Variants in NAT10 observed in about 807,000 individuals in gnomAD.
NAT10 encodes the protein RNA cytidine acetyltransferase.
NAT10 carries 109 observed loss-of-function variants against 132.2 expected under a neutral mutation model. The ratio of observed to expected loss-of-function variants is 0.82; its 90% CI spans 0.71 to 0.97. The LOEUF (loss-of-function observed/expected upper bound fraction) is 0.97. Among genes scored for constraint, NAT10 ranks in the 50% least tolerant of loss-of-function variants. The pLI is 0.00. For synonymous variants in NAT10, 479 were observed against 478.0 expected (o/e 1.00, Z -0.03); for missense variants, 1,184 against 1,263.4 (o/e 0.94, Z 0.95).
intron 28 of NAT10, among the ~76,000 whole-genome samples, chr11:34,144,641 C>G (rs1391111367): frequency 6.6e-6 from 1 of 152,210 alleles, no homozygotes; most frequent in Non-Finnish European, 1.5e-5. Context: ...CCAGCAGTCC[C>G]TAGACCACTC....
At chr11:34,121,959 T>C (rs962902531) in intron 8 of NAT10, among the ~76,000 whole-genome samples, 1 of 149,836 alleles carries the variant, frequency 6.7e-6, no homozygotes, top group Non-Finnish European at 1.5e-5. Flanking sequence ...GCGGATCGCC[T>C]GAGGTTAGGA....
intron 15 of NAT10, among the ~76,000 whole-genome samples, chr11:34,132,500 CGGT>C (rs58466959): frequency 0.23 from 35,590 of 151,952 alleles, 5,288 homozygotes; most frequent in Middle Eastern, 0.39. Flanking sequence ...AGTTGTGGCC[CGGT>C]GGTGCAGTTT....
chr11:34,106,350 G>T (rs190997424), intron 1 of NAT10, among the ~76,000 whole-genome samples: 2 of 152,018 alleles, frequency 1.3e-5, no homozygotes, highest in Admixed American at 1.3e-4. Context: ...CCCCATCCAG[G>T]CCTTCCATGA....
intron 11 of NAT10, among the ~76,000 whole-genome samples, chr11:34,125,395 A>T (rs1851969351): frequency 6.6e-6 from 1 of 152,282 alleles, no homozygotes; most frequent in Non-Finnish European, 1.5e-5. Context: ...TCCTTCTTGA[A>T]TTTGTAATCA....
chr11:34,118,509 T>A lies in NAT10; in HGVS notation c.780+6T>A, dbSNP rs1182370143. ...GCTGTAAGACTCTAGACCAGGTGAG[T>A]GTGGTGCTCAGCACTTCCAACACAA... On this transcript the variant is annotated splice_donor_region_variant and intron_variant, in intron 8 of 28. Coordinates refer to ENST00000257829, the MANE Select transcript of NAT10 (RefSeq NM_024662.3). 3 of 1,609,172 alleles carry A rather than the reference T, an allele frequency of 1.9e-6. No homozygotes were observed. The South Asian group carries it at 3.3e-5, about 18-fold the overall frequency.
At chr11:34,118,348 T>C (rs776062746) in intron 7 of NAT10, 48 bp from the exon 8 acceptor site, 1 of 1,611,046 alleles carries the variant, frequency 6.2e-7, no homozygotes, top group South Asian at 1.1e-5. Flanking sequence ...TTCTGTGTTG[T>C]TCCTCCTGTG....
chr11:34,112,109 C>G lies in NAT10; in HGVS notation c.258C>G (p.Asn86Lys). ...AGAAAATAAAGAATGGAACACTGAA[C>G]ATAAAGCAGGACGACCCCTTTGAAC... The part of the protein sequence containing the change: ...LQKKIKNGTL[N>K]IKQDDPFELF... The change falls in exon 4 of 29, where the codon AAC (asparagine) becomes AAG (lysine). Residue 86 changes from asparagine to lysine, a missense_variant. Asn to Lys is a moderately conservative substitution (Grantham distance 94). Coordinates refer to ENST00000257829, the MANE Select transcript of NAT10 (RefSeq NM_024662.3). 1 of 1,614,188 alleles carries G rather than the reference C, an allele frequency of 6.2e-7. No homozygotes were observed. Among genetic ancestry groups the G allele is most frequent in the Non-Finnish European group, 8.5e-7 (1 of 1,180,034 alleles).
intron 5 of NAT10, among the ~76,000 whole-genome samples, chr11:34,114,695 C>A (rs971577270): frequency 6.6e-6 from 1 of 152,200 alleles, no homozygotes; most frequent in Admixed American, 6.5e-5. Context: ...GCATTCAAGC[C>A]CCTGCTCAGA....
intron 11 of NAT10, among the ~76,000 whole-genome samples, chr11:34,125,323 A>G (rs1290979622): frequency 6.6e-6 from 1 of 152,236 alleles, no homozygotes; most frequent in East Asian, 1.9e-4. Flanking sequence ...TTAAAACTCA[A>G]GAAAAATACA....
chr11:34,109,671 A>G (rs1441328684), intron 3 of NAT10, among the ~76,000 whole-genome samples: 2 of 152,348 alleles, frequency 1.3e-5, no homozygotes, highest in Middle Eastern at 3.4e-3. Flanking sequence ...CACAAATACA[A>G]TTTGGCACAA....
At chr11:34,135,312 C>G in intron 19 of NAT10, 21 bp downstream of exon 19, 3 of 1,590,750 alleles carry the variant, frequency 1.9e-6, no homozygotes, top group Non-Finnish European at 1.7e-6. Flanking sequence ...TTCGACAGAC[C>G]TCCTGTGTCC....
At position 34,139,257 on chromosome 11, in the gene NAT10, C is replaced by T. The variant is rs773357788; in HGVS notation, c.2278C>T (p.Gln760Ter). 3 of 1,614,000 alleles carry T rather than the reference C, an allele frequency of 1.9e-6. No individual in the cohort carries two copies. Among genetic ancestry groups the T allele is most frequent in the Non-Finnish European group, 2.5e-6 (3 of 1,179,994 alleles). ...GCTCACTGATGAGGATGAGGCTGAC[C>T]AGGGAGGCTGGCTTGCAGCCTTCTG... ...KTLTDEDEAD[Q>*]GGWLAAFWKD... is the part of the protein sequence containing the mutation. The change falls in exon 22 of 29, where the codon CAG becomes TAG. Residue 760 changes from glutamine (Q) to a stop codon, truncating the protein, a stop_gained. Coordinates refer to ENST00000257829, the MANE Select transcript of NAT10 (RefSeq NM_024662.3). LOFTEE classifies it high-confidence loss of function.
intron 9 of NAT10, among the ~76,000 whole-genome samples, chr11:34,123,159 T>A (rs1851926568): frequency 6.6e-6 from 1 of 152,212 alleles, no homozygotes; most frequent in Non-Finnish European, 1.5e-5. Flanking sequence ...TGGTGCTCTT[T>A]AGAGCTCTGT....
intron 14 of NAT10, 39 bp from the exon 15 acceptor site, chr11:34,132,086 G>C (rs1852116472): frequency 2.7e-6 from 4 of 1,471,274 alleles, no homozygotes; most frequent in Non-Finnish European, 3.8e-6. Context: ...CCTGTCTTCG[G>C]CTATTTGTTT....
intron 16 of NAT10, 74 bp from the exon 17 acceptor site, chr11:34,134,245 A>G: frequency 7.6e-7 from 1 of 1,311,082 alleles, no homozygotes; most frequent in Admixed American, 1.7e-5. Context: ...AGTTCGAGAA[A>G]CAAGCTATAT....
chr11:34,130,779 C>G (rs765030558), intron 12 of NAT10, 34 bp from the exon 13 acceptor site: 1 of 1,612,846 alleles, frequency 6.2e-7, no homozygotes, highest in Non-Finnish European at 8.5e-7. Flanking sequence ...GGATTTGGGA[C>G]CTTGTGCCTG....
At position 34,134,422 on chromosome 11, in the gene NAT10, T is replaced by C; in HGVS notation, c.1836+2T>C. 6.2e-7 allele frequency: 1 copy of C among 1,614,068 alleles called. No individual in the cohort carries two copies. The highest frequency in any genetic ancestry group is 8.5e-7 in the Non-Finnish European group (1 of 1,179,966). Reference sequence around the variant, plus strand: ...ATTCCATGGACAGTGTCAGAACAGGTGACGGGCTTTCCCTGGTGTGTCTGA... The same window carrying C: ...ATTCCATGGACAGTGTCAGAACAGGCGACGGGCTTTCCCTGGTGTGTCTGA... On this transcript the variant is annotated splice_donor_variant, in intron 17 of 28. Transcript: ENST00000257829. LOFTEE classifies it high-confidence loss of function.
chr11:34,135,420 C>T, intron 19 of NAT10, 129 bp downstream of exon 19: 1 of 706,596 alleles, frequency 1.4e-6, no homozygotes, highest in Non-Finnish European at 2.5e-6. Context: ...GCTGCTTTCT[C>T]CTACCGAACA....
At chr11:34,133,348 A>G (rs1313284853) in intron 16 of NAT10, among the ~76,000 whole-genome samples, 1 of 152,174 alleles carries the variant, frequency 6.6e-6, no homozygotes, top group Admixed American at 6.5e-5. Flanking sequence ...CTGTTGACGG[A>G]CGGGGAAAAG....
Sources: allele counts gnomAD v4.1 joint callset (sites outside exome capture counted in the v4.1 genomes callset), GRCh38; gene constraint gnomAD v4.1.1; transcripts MANE v1.5; gene names NCBI Gene and HGNC (gene_info 2026-07-23, HGNC 2026-07-21).